SAXO1: variants seen among roughly 807,000 people sequenced by gnomAD.
SAXO1 encodes stabilizer of axonemal microtubules 1.
Under a neutral mutation model 17.5 loss-of-function variants are expected in SAXO1, and 21 were observed. The ratio of observed to expected loss-of-function variants is 1.20; its 90% CI spans 0.85 to 1.72. The LOEUF is 1.72. Ranked by LOEUF, SAXO1 falls within the 40% of genes most tolerant of loss-of-function variation. The pLI is 0.00. For synonymous variants in SAXO1, 274 were observed against 216.5 expected (o/e 1.27, Z -2.33); for missense variants, 843 against 596.0 (o/e 1.41, Z -4.32).
chr9:18,956,570 C>G (rs939975469), intron 1 of SAXO1, among the ~76,000 whole-genome samples: 1 of 152,164 alleles, frequency 6.6e-6, no homozygotes, highest in African/African-American at 2.4e-5. Flanking sequence ...GGCTCAGAGG[C>G]AGGAAGATCT....
intron 3 of SAXO1, among the ~76,000 whole-genome samples, chr9:18,938,820 G>C (rs983879763): frequency 3.7e-4 from 42 of 113,634 alleles, no homozygotes; most frequent in African/African-American, 1.4e-3. Context: ...ATGCGTGCGT[G>C]CGTGTGTGTG....
At chr9:19,010,675 C>T (rs1834693792) in intron 1 of SAXO1, among the ~76,000 whole-genome samples, 2 of 152,028 alleles carry the variant, frequency 1.3e-5, no homozygotes, top group African/African-American at 4.8e-5. Context: ...ATAGAAGCAA[C>T]TTATTTTAAA....
At chr9:18,952,849 G>C (rs543229887) in intron 1 of SAXO1, among the ~76,000 whole-genome samples, 4 of 152,104 alleles carry the variant, frequency 2.6e-5, no homozygotes, top group Admixed American at 6.5e-5. Flanking sequence ...AGTGTACAAA[G>C]CTATGTATTT....
intron 1 of SAXO1, among the ~76,000 whole-genome samples, chr9:19,001,618 G>T (rs1357775447): frequency 6.7e-6 from 1 of 149,430 alleles, no homozygotes. Context: ...ACTGAGCCGA[G>T]ATCGCGCATT....
intron 1 of SAXO1, among the ~76,000 whole-genome samples, chr9:18,998,869 G>C (rs995389538): frequency 2.6e-5 from 4 of 152,188 alleles, no homozygotes; most frequent in African/African-American, 9.7e-5. Context: ...CTTAATAAGT[G>C]AAGGAGAAAT....
chr9:19,024,696 C>G (rs1342966686), intron 1 of SAXO1, among the ~76,000 whole-genome samples: 3 of 152,120 alleles, frequency 2.0e-5, no homozygotes, highest in African/African-American at 7.2e-5. Context: ...AAGCCTTCCC[C>G]GGCTACCCCA....
chr9:18,934,296 G>A (rs1047939355), intron 3 of SAXO1, among the ~76,000 whole-genome samples: 37 of 147,824 alleles, frequency 2.5e-4, no homozygotes, highest in Non-Finnish European at 1.5e-4. Flanking sequence ...TCCTTTTGGG[G>A]CCATGATTAT....
At chr9:18,997,360 T>A (rs1303339939) in intron 1 of SAXO1, among the ~76,000 whole-genome samples, 1 of 152,214 alleles carries the variant, frequency 6.6e-6, no homozygotes, top group Non-Finnish European at 1.5e-5. Flanking sequence ...CAGTATGAGA[T>A]CAACCTGGGA....
chr9:18,972,165 G>A (rs1008589392), intron 1 of SAXO1, among the ~76,000 whole-genome samples: 1 of 152,166 alleles, frequency 6.6e-6, no homozygotes, highest in Non-Finnish European at 1.5e-5. Flanking sequence ...GAGGTGTTAG[G>A]AGAAAACAGG....
rs117995390 is a variant in SAXO1 at position 19,006,105 on chromosome 9, T to C, written c.38+26766A>G. On this transcript the variant is annotated intron_variant, in intron 1 of 3. Transcript: ENST00000380534. ...TTCACAACCATTTGGATGGTTATTATTTTAAAAAAGAAAGAGAAATGTTGG... is the reference window on the plus strand; with the variant it reads ...TTCACAACCATTTGGATGGTTATTACTTTAAAAAAGAAAGAGAAATGTTGG... 1.4e-3 allele frequency among the ~76,000 whole-genome samples: 212 copies of C among 152,310 alleles called. 4 individuals carry two copies. The East Asian group carries it at 0.034, about 24-fold the overall frequency.
chr9:18,936,370 C>T (rs752736463), intron 3 of SAXO1, among the ~76,000 whole-genome samples: 2 of 152,090 alleles, frequency 1.3e-5, no homozygotes, highest in Non-Finnish European at 2.9e-5. Context: ...CACCCCGGCC[C>T]CCAGACTCCT....
chr9:19,022,172 C>T (rs538575351), intron 1 of SAXO1, among the ~76,000 whole-genome samples: 1 of 152,332 alleles, frequency 6.6e-6, no homozygotes, highest in Non-Finnish European at 1.5e-5. Flanking sequence ...CCGGAGGCGC[C>T]ACCTTTAAGA....
Position 18,943,248 on chromosome 9 carries a change from T to G in SAXO1, c.219-1409A>C, listed in dbSNP as rs2131706292. 1.3e-5 allele frequency among the ~76,000 whole-genome samples: 2 copies of G among 152,308 alleles called. 1 individual carries two copies. Among genetic ancestry groups the G allele is most frequent in the South Asian group, 4.1e-4 (2 of 4,828 alleles). ...CTTCAGTTGAACTCCCCTAACACCC[T>G]CTGGGTAGATTTAAAAATATATCTT... is the stretch of plus-strand genomic sequence containing the variant. On this transcript the variant is annotated intron_variant, in intron 2 of 3. Coordinates refer to ENST00000380534, the MANE Select transcript of SAXO1 (RefSeq NM_153707.4).
intron 1 of SAXO1, among the ~76,000 whole-genome samples, chr9:19,019,828 C>G (rs547092794): frequency 6.6e-6 from 1 of 152,144 alleles, no homozygotes; most frequent in Non-Finnish European, 1.5e-5. Context: ...TCCACTTTCA[C>G]GCAATGACCA....
chr9:18,942,069 C>G lies in SAXO1; in HGVS notation c.219-230G>C, dbSNP rs147344353. ...ATTCATCTTTGACCTCCTTTCCTCA[C>G]GGCCCCAGAGTCTATCACCACCAGT... On this transcript the variant is annotated intron_variant, in intron 2 of 3. Coordinates refer to ENST00000380534, the MANE Select transcript of SAXO1 (RefSeq NM_153707.4). 2.8e-4 allele frequency among the ~76,000 whole-genome samples: 33 copies of G among 116,706 alleles called. 2 individuals carry two copies. In the South Asian group the frequency reaches 5.9e-3, roughly 21 times the overall value. 76.6% of individuals were successfully genotyped at this position (116,706 alleles called of 152,430 possible). A position where few individuals can be genotyped will look rare whatever the true frequency, so the allele number is the denominator to read the frequency against.
intron 1 of SAXO1, among the ~76,000 whole-genome samples, chr9:18,994,276 C>G (rs1166307292): frequency 2.0e-5 from 3 of 152,078 alleles, no homozygotes; most frequent in Admixed American, 1.3e-4. Context: ...CCTTAAGCCA[C>G]TGAAACCTTA....
intron 1 of SAXO1, among the ~76,000 whole-genome samples, chr9:18,979,924 GA>G (rs909716868): frequency 2.8e-4 from 42 of 152,306 alleles, no homozygotes; most frequent in African/African-American, 1.0e-3. Context: ...ACTAAAGTGT[GA>G]AAAAGAGAAA....
chr9:18,981,003 T>C (rs770976178), intron 1 of SAXO1, among the ~76,000 whole-genome samples: 9 of 152,114 alleles, frequency 5.9e-5, no homozygotes, highest in Non-Finnish European at 1.2e-4. Flanking sequence ...ACGCACGGAT[T>C]TGTGAAATTC....
At chr9:19,005,807 C>T (rs950573996) in intron 1 of SAXO1, among the ~76,000 whole-genome samples, 9 of 152,078 alleles carry the variant, frequency 5.9e-5, no homozygotes, top group Admixed American at 3.3e-4. Flanking sequence ...GTGTAAACAA[C>T]GCTATCAAGA....
Sources: gnomAD v4.1 joint callset for allele counts (sites outside exome capture counted in the v4.1 genomes callset) on GRCh38, gnomAD v4.1.1 for gene constraint, MANE v1.5 for transcripts, NCBI Gene and HGNC (gene_info 2026-07-23, HGNC 2026-07-21) for gene names.